The following DOCK1 variants were observed in gnomAD, a reference collection of about 807,000 sequenced individuals.
The protein encoded by DOCK1 is dedicator of cytokinesis protein 1.
Under a neutral mutation model 262.7 loss-of-function variants are expected in DOCK1, and 138 were observed. That is an observed-to-expected ratio of 0.53 (90% CI 0.46 to 0.61). DOCK1 has a LOEUF of 0.61. Among genes scored for constraint, DOCK1 ranks in the 20% least tolerant of loss-of-function variants. The pLI is 0.00. For synonymous variants in DOCK1, 866 were observed against 867.4 expected (o/e 1.00, Z 0.03); for missense variants, 1,908 against 2,370.7 (o/e 0.80, Z 4.05).
At position 127,203,371 on chromosome 10, in the gene DOCK1, A is replaced by G. The variant is rs573612173; in HGVS notation, c.2848-44637A>G. ...ACTAACACACTGTGCATATAATTCTAATTACCTACCCTTGACATTTTATGC... is the reference window on the plus strand; with the variant it reads ...ACTAACACACTGTGCATATAATTCTGATTACCTACCCTTGACATTTTATGC... On this transcript the variant is annotated intron_variant, in intron 27 of 51. Transcript: ENST00000623213. Among the ~76,000 whole-genome samples the G allele has an allele frequency of 2.0e-5, 3 of 152,280 alleles. No homozygotes were observed. The South Asian group carries it at 6.2e-4, about 32-fold the overall frequency.
At chr10:127,349,677 T>G (rs2063794348) in intron 31 of DOCK1, among the ~76,000 whole-genome samples, 1 of 152,166 alleles carries the variant, frequency 6.6e-6, no homozygotes, top group African/African-American at 2.4e-5. Flanking sequence ...GAGGGCAGAA[T>G]TCCCAAATCA....
chr10:127,142,518 G>A (rs1425738746), intron 27 of DOCK1, among the ~76,000 whole-genome samples: 1 of 152,208 alleles, frequency 6.6e-6, no homozygotes, highest in East Asian at 1.9e-4. Flanking sequence ...CAAAGCATGA[G>A]TCTGAAGCAG....
intron 29 of DOCK1, among the ~76,000 whole-genome samples, chr10:127,328,230 G>A (rs1279064343): frequency 1.3e-5 from 2 of 151,820 alleles, no homozygotes; most frequent in East Asian, 1.9e-4. Context: ...AGCAGGTCTT[G>A]AAAATGAACC....
intron 1 of DOCK1, among the ~76,000 whole-genome samples, chr10:126,954,358 C>T (rs1357836813): frequency 2.0e-5 from 3 of 152,244 alleles, no homozygotes; most frequent in Non-Finnish European, 4.4e-5. Flanking sequence ...CCCTCCACAA[C>T]CTCAGAACAG....
chr10:126,908,824 T>G (rs2031330507), intron 1 of DOCK1, among the ~76,000 whole-genome samples: 1 of 152,152 alleles, frequency 6.6e-6, no homozygotes, highest in African/African-American at 2.4e-5. Context: ...AGTAGGCAGT[T>G]TTATGTCCCG....
At chr10:127,014,901 T>G (rs2041741474) in intron 12 of DOCK1, 1 of 152,226 alleles carries the variant, frequency 6.6e-6, no homozygotes, top group Admixed American at 6.5e-5. Flanking sequence ...GGTGCTTTTG[T>G]GTGAATTAGA....
chr10:127,023,540 G>GTT (rs2042597978), intron 14 of DOCK1, among the ~76,000 whole-genome samples: 1 of 106,128 alleles, frequency 9.4e-6, no homozygotes, highest in African/African-American at 3.7e-5. Flanking sequence ...GGTCCCTGTG[G>GTT]TCTTTTTTTT....
At chr10:127,090,580 A>G (rs2047460199) in intron 23 of DOCK1, among the ~76,000 whole-genome samples, 1 of 152,118 alleles carries the variant, frequency 6.6e-6, no homozygotes. Flanking sequence ...GTACATTTAC[A>G]GTACATCACC....
At chr10:127,431,616 A>G (rs2386491) in intron 47 of DOCK1, among the ~76,000 whole-genome samples, 134,928 of 152,274 alleles carry the variant, frequency 0.89, 60,001 homozygotes, top group African/African-American at 0.95. Flanking sequence ...AGACTGACCA[A>G]CCCCTCTCTG....
chr10:127,313,860 T>C (rs2062158371), intron 29 of DOCK1, among the ~76,000 whole-genome samples: 1 of 151,012 alleles, frequency 6.6e-6, no homozygotes, highest in African/African-American at 2.5e-5. Context: ...GCTCTTTGGC[T>C]CCCATCTGGC....
intron 25 of DOCK1, among the ~76,000 whole-genome samples, chr10:127,120,309 GGTCT>G (rs2133009633): frequency 6.6e-6 from 1 of 152,284 alleles, no homozygotes; most frequent in East Asian, 1.9e-4. Context: ...TCACATACAA[GGTCT>G]TTAACATCGG....
chr10:127,026,189 G>A, intron 15 of DOCK1, 163 bp from the exon 16 acceptor site: 2 of 681,978 alleles, frequency 2.9e-6, no homozygotes, highest in Non-Finnish European at 4.9e-6. Context: ...TTTTGCAGAG[G>A]CATTTTGTCT....
chr10:127,434,354 G>A (rs1468073141), intron 48 of DOCK1, among the ~76,000 whole-genome samples: 2 of 152,062 alleles, frequency 1.3e-5, no homozygotes, highest in African/African-American at 4.8e-5. Flanking sequence ...TTGTTTTTGA[G>A]GCAGACTCTC....
intron 23 of DOCK1, among the ~76,000 whole-genome samples, chr10:127,085,451 G>C (rs943791731): frequency 2.0e-5 from 3 of 152,144 alleles, no homozygotes; most frequent in Admixed American, 6.5e-5. Context: ...TATTATCTCT[G>C]TCCTCTTATT....
At chr10:127,245,320 G>A (rs549793328) in intron 27 of DOCK1, among the ~76,000 whole-genome samples, 1 of 152,344 alleles carries the variant, frequency 6.6e-6, no homozygotes, top group African/African-American at 2.4e-5. Context: ...AAGACTGAAC[G>A]ATGCACATGA....
At chr10:127,232,404 G>C (rs1412108506) in intron 27 of DOCK1, among the ~76,000 whole-genome samples, 1 of 152,114 alleles carries the variant, frequency 6.6e-6, no homozygotes, top group African/African-American at 2.4e-5. Context: ...ACTGTGGCTG[G>C]AGCAATGTGA....
At chr10:127,395,582 A>G (rs896360440) in intron 38 of DOCK1, among the ~76,000 whole-genome samples, 5 of 152,182 alleles carry the variant, frequency 3.3e-5, no homozygotes, top group Admixed American at 6.5e-5. Context: ...CAAGGACCCA[A>G]TGGAAATTTC....
intron 30 of DOCK1, among the ~76,000 whole-genome samples, chr10:127,342,076 G>A (rs1490716768): frequency 6.8e-6 from 1 of 147,518 alleles, no homozygotes; most frequent in Non-Finnish European, 1.5e-5. Flanking sequence ...TGCTGCTGCT[G>A]TTGCTGTTGC....
chr10:126,983,902 C>T (rs1195159340), intron 4 of DOCK1, among the ~76,000 whole-genome samples: 1 of 152,210 alleles, frequency 6.6e-6, no homozygotes, highest in East Asian at 1.9e-4. Context: ...AGCAATGCCT[C>T]CTTATGTCTG....
Sources: gnomAD v4.1 joint callset for allele counts (sites outside exome capture counted in the v4.1 genomes callset) on GRCh38, gnomAD v4.1.1 for gene constraint, MANE v1.5 for transcripts, NCBI Gene and HGNC (gene_info 2026-07-23, HGNC 2026-07-21) for gene names.